Variants in NTM observed in about 807,000 individuals in gnomAD.
The protein encoded by NTM is IgLON family member 2.
A neutral mutation model predicts 42.1 loss-of-function variants in NTM; 13 were observed. That is an observed-to-expected ratio of 0.31 (90% confidence interval 0.20 to 0.49). The LOEUF (loss-of-function observed/expected upper bound fraction) is 0.49. Among genes scored for constraint, NTM ranks in the 20% least tolerant of loss-of-function variants. The pLI is 0.99. For missense variants in NTM, 373 were observed against 452.8 expected (o/e 0.82, Z 1.60); for synonymous variants, 187 against 179.2 (o/e 1.04, Z -0.35).
intron 3 of NTM, among the ~76,000 whole-genome samples, chr11:132,190,572 C>T (rs970581416): frequency 6.6e-6 from 1 of 151,936 alleles, no homozygotes; most frequent in African/African-American, 2.4e-5. Flanking sequence ...CCCGTCTCTA[C>T]TAAAACCTAC....
At chr11:131,427,556 C>T (rs1158528326) in intron 1 of NTM, among the ~76,000 whole-genome samples, 3 of 152,290 alleles carry the variant, frequency 2.0e-5, no homozygotes, top group African/African-American at 4.8e-5. Flanking sequence ...TCCCATTTTG[C>T]AGTAAATGTG....
chr11:131,971,850 C>G (rs908329324), intron 2 of NTM, among the ~76,000 whole-genome samples: 1 of 151,738 alleles, frequency 6.6e-6, no homozygotes, highest in Non-Finnish European at 1.5e-5. Context: ...CAAGACCATC[C>G]TCGCTAACAT....
chr11:131,759,894 T>A (rs1233865492), intron 1 of NTM, among the ~76,000 whole-genome samples: 1 of 152,118 alleles, frequency 6.6e-6, no homozygotes, highest in Non-Finnish European at 1.5e-5. Context: ...AAGGTATTCT[T>A]CACAGGAGGG....
At chr11:131,424,316 T>G (rs540062246) in intron 1 of NTM, among the ~76,000 whole-genome samples, 1 of 152,246 alleles carries the variant, frequency 6.6e-6, no homozygotes, top group African/African-American at 2.4e-5. Context: ...AGGAGCTCAG[T>G]GCCACTCACA....
intron 8 of NTM, chr11:132,332,854 G>A (rs1334426019): frequency 6.6e-6 from 1 of 152,258 alleles, no homozygotes; most frequent in Non-Finnish European, 1.5e-5. Flanking sequence ...CTGCAAGGAG[G>A]GAGTTCAGAA....
At chr11:131,737,848 G>A (rs780336001) in intron 1 of NTM, among the ~76,000 whole-genome samples, 29 of 152,086 alleles carry the variant, frequency 1.9e-4, no homozygotes, top group African/African-American at 6.8e-4. Context: ...GGTTGACACC[G>A]CGGGCCCCAG....
intron 1 of NTM, among the ~76,000 whole-genome samples, chr11:131,636,486 C>T (rs2064403873): frequency 2.0e-5 from 3 of 152,152 alleles, no homozygotes; most frequent in African/African-American, 4.8e-5. Context: ...CATGGTTGGT[C>T]GAATCCTGAG....
chr11:131,857,946 G>A (rs564157370), intron 1 of NTM, among the ~76,000 whole-genome samples: 2 of 151,972 alleles, frequency 1.3e-5, no homozygotes, highest in African/African-American at 2.4e-5. Flanking sequence ...ACCCTTTATT[G>A]TCTGGTTCCT....
intron 1 of NTM, chr11:131,371,093 T>C (rs1941107612): frequency 1.0e-6 from 1 of 985,244 alleles, no homozygotes; most frequent in African/African-American, 1.7e-5. Flanking sequence ...AATGGGGGAA[T>C]ATGTATGTGC....
At chr11:131,860,413 A>G (rs894956075) in intron 1 of NTM, among the ~76,000 whole-genome samples, 5 of 152,176 alleles carry the variant, frequency 3.3e-5, no homozygotes, top group African/African-American at 7.2e-5. Context: ...CACAGAGCCC[A>G]CTGTCCCTCC....
intron 6 of NTM, 27 bp from the exon 7 acceptor site, chr11:132,314,525 T>TTCTTTTTTGTCTTTTGTTTCTCTCA: frequency 1.3e-6 from 2 of 1,595,752 alleles, no homozygotes; most frequent in African/African-American, 2.7e-5. Context: ...TCTTGTTTTC[T>TTCTTTTTTGTCTTTTGTTTCTCTCA]TCTTTTTTGT....
In NTM at chr11:131,779,463, AT is replaced by A. The variant is rs546525185; in HGVS notation, c.83-132095del. Among the ~76,000 whole-genome samples the A allele has an allele frequency of 3.3e-3, 503 of 152,270 alleles. 3 individuals are homozygous for A. The highest frequency in any genetic ancestry group is 0.011 in the African/African-American group (466 of 41,564). ...ATCTTTATTCCTTCTTGCAAAAAAT[AT>A]TTTTTAAGCACCAGCAATATGATAG... On this transcript the variant is annotated intron_variant, in intron 1 of 8. Coordinates refer to ENST00000683400, the MANE Select transcript of NTM (RefSeq NM_001352005.2).
intron 4 of NTM, among the ~76,000 whole-genome samples, chr11:132,275,807 C>T (rs930378311): frequency 7.1e-6 from 1 of 141,058 alleles, no homozygotes; most frequent in Non-Finnish European, 1.5e-5. Context: ...ATAGCCATCG[C>T]CTCATGTATT....
intron 1 of NTM, chr11:131,769,635 A>C: frequency 1.0e-6 from 1 of 959,716 alleles, no homozygotes; most frequent in Non-Finnish European, 1.2e-6. Context: ...CCTGTGGAGC[A>C]GATAGCATGA....
intron 1 of NTM, among the ~76,000 whole-genome samples, chr11:131,761,509 C>G (rs557018419): frequency 6.6e-6 from 1 of 152,032 alleles, no homozygotes; most frequent in East Asian, 1.9e-4. Context: ...TTAGTGCCCT[C>G]ATAAGAGGAG....
At chr11:132,152,285 C>G (rs2072110204) in intron 3 of NTM, among the ~76,000 whole-genome samples, 1 of 152,174 alleles carries the variant, frequency 6.6e-6, no homozygotes, top group African/African-American at 2.4e-5. Context: ...CCAACACTTC[C>G]CATTCAAGCG....
At chr11:131,602,226 A>G (rs1201614263) in intron 1 of NTM, among the ~76,000 whole-genome samples, 1 of 152,160 alleles carries the variant, frequency 6.6e-6, no homozygotes, top group Non-Finnish European at 1.5e-5. Context: ...AATTCCCTGA[A>G]TGGCCTTTGC....
chr11:131,635,861 C>G (rs2064303842), intron 1 of NTM, among the ~76,000 whole-genome samples: 1 of 152,128 alleles, frequency 6.6e-6, no homozygotes, highest in Non-Finnish European at 1.5e-5. Flanking sequence ...CTTTTATACT[C>G]TATTTTTACT....
chr11:131,422,172 G>A (rs187392298), intron 1 of NTM, among the ~76,000 whole-genome samples: 4 of 151,990 alleles, frequency 2.6e-5, no homozygotes, highest in Admixed American at 2.0e-4. Context: ...TCAGGATTCT[G>A]ATAGGCTGTT....
Sources: gnomAD v4.1 joint callset for allele counts (sites outside exome capture counted in the v4.1 genomes callset) on GRCh38, gnomAD v4.1.1 for gene constraint, MANE v1.5 for transcripts, NCBI Gene and HGNC (gene_info 2026-07-23, HGNC 2026-07-21) for gene names.